Variants in BNC2 observed in about 807,000 individuals in gnomAD.
The protein encoded by BNC2 is zinc finger protein basonuclin-2.
In BNC2, 20 loss-of-function variants were observed where a neutral mutation model predicts 76.3. The observed-to-expected ratio is 0.26, with a 90% CI of 0.18 to 0.38. The LOEUF (loss-of-function observed/expected upper bound fraction) is 0.38, where lower values mean the gene tolerates loss of function less well. BNC2 is among the 10% of genes least tolerant of loss of function. The pLI is 1.00. For missense variants in BNC2, 1,382 were observed against 1,399.8 expected, an observed-to-expected ratio of 0.99 and a Z score of 0.20; for synonymous variants, 582 against 514.8, an observed-to-expected ratio of 1.13 and a Z score of -1.77.
chr9:16,623,364 G>A (rs1820914762), intron 3 of BNC2, among the ~76,000 whole-genome samples: 1 of 152,248 alleles, frequency 6.6e-6, no homozygotes. Context: ...GCAGAAAAGA[G>A]AGATCAATAA....
intron 3 of BNC2, among the ~76,000 whole-genome samples, chr9:16,689,261 T>C (rs989676340): frequency 1.3e-5 from 2 of 150,972 alleles, no homozygotes; most frequent in African/African-American, 2.4e-5. Flanking sequence ...GTTGAAAATA[T>C]TTGAAGATGA....
At chr9:16,666,757 T>C (rs533536656) in intron 3 of BNC2, among the ~76,000 whole-genome samples, 2 of 152,312 alleles carry the variant, frequency 1.3e-5, no homozygotes, top group African/African-American at 4.8e-5. Flanking sequence ...TCTACACTAA[T>C]CTATACAAAG....
At chr9:16,728,028 C>A in intron 2 of BNC2, 31 bp from the exon 3 acceptor site, 7 of 1,595,728 alleles carry the variant, frequency 4.4e-6, no homozygotes, top group Non-Finnish European at 6.0e-6. Flanking sequence ...TTTTGAGCCT[C>A]TTGGCAGCCA....
At chr9:16,463,463 A>G (rs1052826290) in intron 5 of BNC2, among the ~76,000 whole-genome samples, 5 of 146,196 alleles carry the variant, frequency 3.4e-5, no homozygotes, top group Non-Finnish European at 7.4e-5. Context: ...CGCCCGGCTA[A>G]TTTTTTGTAT....
intron 1 of BNC2, among the ~76,000 whole-genome samples, chr9:16,853,906 C>G (rs932074590): frequency 1.3e-5 from 2 of 152,144 alleles, no homozygotes; most frequent in Non-Finnish European, 2.9e-5. Context: ...GTTCATTAAG[C>G]TCTGCGGGTT....
At chr9:16,842,508 A>G (rs2136099854) in intron 1 of BNC2, among the ~76,000 whole-genome samples, 1 of 152,236 alleles carries the variant, frequency 6.6e-6, no homozygotes, top group African/African-American at 2.4e-5. Context: ...TTTACTGTTG[A>G]GGATAGAGTT....
intron 5 of BNC2, among the ~76,000 whole-genome samples, chr9:16,490,700 C>T (rs1329181445): frequency 6.6e-6 from 1 of 152,062 alleles, no homozygotes; most frequent in Admixed American, 6.6e-5. Flanking sequence ...TACAGTTGTG[C>T]TGGGTTGAAA....
intron 3 of BNC2, among the ~76,000 whole-genome samples, chr9:16,592,349 T>C (rs1819953995): frequency 6.6e-6 from 1 of 152,160 alleles, no homozygotes; most frequent in African/African-American, 2.4e-5. Context: ...AAATTTTATT[T>C]GGCCATAAAA....
intron 3 of BNC2, among the ~76,000 whole-genome samples, chr9:16,674,754 A>T (rs1343280941): frequency 6.6e-6 from 1 of 152,198 alleles, no homozygotes; most frequent in Non-Finnish European, 1.5e-5. Flanking sequence ...GAAGGCACTT[A>T]AAGATGGTTT....
intron 1 of BNC2, among the ~76,000 whole-genome samples, chr9:16,751,698 A>ATATATGTGTGTGTG (rs1271866084): frequency 6.4e-5 from 9 of 140,258 alleles, no homozygotes; most frequent in Admixed American, 6.0e-4. Flanking sequence ...GTGTGTATAT[A>ATATATGTGTGTGTG]TATATATATG....
Position 16,585,504 on chromosome 9 carries a change from T to C in BNC2, c.331-2419A>G, listed in dbSNP as rs577524148. Among the ~76,000 whole-genome samples, 30 of 152,346 alleles carry C rather than the reference T, an allele frequency of 2.0e-4. No homozygotes were observed. The East Asian group carries it at 5.4e-3, about 27-fold the overall frequency. On this transcript the variant is annotated intron_variant, in intron 3 of 6. Coordinates refer to ENST00000380672, the MANE Select transcript of BNC2 (RefSeq NM_017637.6). ...TATTTGTTTTAAATTCAGATTTATA[T>C]AGACTACAATTTTCCCTTAAGAGAA... is the stretch of plus-strand genomic sequence containing the variant.
intron 3 of BNC2, among the ~76,000 whole-genome samples, chr9:16,670,873 C>A (rs1193350335): frequency 6.6e-6 from 1 of 152,056 alleles, no homozygotes; most frequent in East Asian, 1.9e-4. Context: ...CTTAAAAATC[C>A]TCTCTGTCAC....
intron 3 of BNC2, among the ~76,000 whole-genome samples, chr9:16,591,275 T>C (rs964902172): frequency 2.0e-5 from 3 of 152,214 alleles, no homozygotes; most frequent in African/African-American, 4.8e-5. Context: ...TACATATCAA[T>C]TTCACTTGTA....
chr9:16,510,661 C>G (rs1822732278), intron 5 of BNC2, among the ~76,000 whole-genome samples: 1 of 152,220 alleles, frequency 6.6e-6, no homozygotes, highest in Non-Finnish European at 1.5e-5. Flanking sequence ...ATCATTTCCT[C>G]TTCCTCAAAC....
At chr9:16,516,290 T>G (rs1817427228) in intron 5 of BNC2, among the ~76,000 whole-genome samples, 1 of 151,702 alleles carries the variant, frequency 6.6e-6, no homozygotes, top group South Asian at 2.1e-4. Context: ...AACGTTCTTG[T>G]GATGCCGCCT....
At chr9:16,733,264 C>T (rs1033527081) in intron 2 of BNC2, among the ~76,000 whole-genome samples, 1 of 152,084 alleles carries the variant, frequency 6.6e-6, no homozygotes, top group Non-Finnish European at 1.5e-5. Context: ...AAAAGATAAT[C>T]CACCCAAATT....
intron 3 of BNC2, among the ~76,000 whole-genome samples, chr9:16,631,542 A>G (rs1368936701): frequency 1.3e-5 from 2 of 152,234 alleles, no homozygotes; most frequent in East Asian, 3.8e-4. Flanking sequence ...TTAGAATCAC[A>G]GCCAATAGTC....
chr9:16,691,501 G>GTTTTTTTTTTTT (rs1823162064), intron 3 of BNC2, among the ~76,000 whole-genome samples: 2 of 95,292 alleles, frequency 2.1e-5, no homozygotes, highest in African/African-American at 8.3e-5. Context: ...ATGGGTATGG[G>GTTTTTTTTTTTT]TTCTTTTTTT....
intron 4 of BNC2, among the ~76,000 whole-genome samples, chr9:16,566,708 C>T (rs1819179323): frequency 6.6e-6 from 1 of 152,068 alleles, no homozygotes; most frequent in South Asian, 2.1e-4. Flanking sequence ...GATCAATACG[C>T]TAGACTGATG....
Sources: allele counts gnomAD v4.1 joint callset (sites outside exome capture counted in the v4.1 genomes callset), GRCh38; gene constraint gnomAD v4.1.1; transcripts MANE v1.5; gene names NCBI Gene and HGNC (gene_info 2026-07-23, HGNC 2026-07-21).